The following STARD10 variants were observed in gnomAD, a reference collection of about 807,000 sequenced individuals.
STARD10 encodes StAR related lipid transfer domain containing 10.
In STARD10, 24 loss-of-function variants were observed where a neutral mutation model predicts 36.0. The ratio of observed to expected loss-of-function variants is 0.67; its 90% confidence interval spans 0.48 to 0.94. STARD10 has a LOEUF of 0.94. Among genes scored for constraint, STARD10 ranks in the 40% least tolerant of loss-of-function variants. STARD10 has a pLI of 0.00. For missense variants in STARD10, 335 were observed against 396.6 expected, an observed-to-expected ratio of 0.84 and a Z score of 1.32; for synonymous variants, 156 against 161.9, an observed-to-expected ratio of 0.96 and a Z score of 0.28.
At chr11:72,755,303 A>ATTATTTTTTTT in intron 6 of STARD10, 161 bp from the exon 7 acceptor site, 1 of 483,484 alleles carries the variant, frequency 2.1e-6, no homozygotes, top group Non-Finnish European at 3.2e-6. Context: ...TCCATTCTCC[A>ATTATTTTTTTT]TTCTTTTTTT....
At position 72,759,329 on chromosome 11, in the gene STARD10, T is replaced by C; in HGVS notation, c.260A>G (p.His87Arg). 1 of 1,614,114 alleles carries C rather than the reference T, an allele frequency of 6.2e-7. No individual in the cohort carries two copies. Among genetic ancestry groups the C allele is most frequent in the Non-Finnish European group, 8.5e-7 (1 of 1,180,022 alleles). ...CCATTTCTTGCGGTACTCAATGTCGTGTAGGACGTCGTAGAGTGTCTCGGC... is the reference window on the plus strand; with the variant it reads ...CCATTTCTTGCGGTACTCAATGTCGCGTAGGACGTCGTAGAGTGTCTCGGC... ...VPAETLYDVL[H>R]DIEYRKKWDS... The change falls in exon 3 of 7, where the codon CAC becomes CGC. Residue 87 changes from histidine to arginine, a missense_variant. Physicochemically the swap from His to Arg is conservative, Grantham distance 29. Coordinates refer to ENST00000334805, the MANE Select transcript of STARD10 (RefSeq NM_006645.3).
chr11:72,780,942 A>T, intron 2 of STARD10, 33 bp downstream of exon 2: 1 of 1,606,450 alleles, frequency 6.2e-7, no homozygotes, highest in Non-Finnish European at 8.5e-7. Flanking sequence ...GTAAGGGTGC[A>T]GTGGAGGCTG....
In STARD10 at chr11:72,754,805, A is replaced by G. The variant is rs1242938082; in HGVS notation, c.*92T>C. 1.3e-6 allele frequency: 2 copies of G among 1,506,284 alleles called. No homozygotes were observed. The highest frequency in any genetic ancestry group is 1.8e-6 in the Non-Finnish European group (2 of 1,123,510). The allele number at this position is 1,506,284 out of a possible 1,614,324, so 93.3% of individuals were successfully genotyped here. A position where few individuals can be genotyped will look rare whatever the true frequency, so the allele number is the denominator to read the frequency against. ...CGCCTGGGCCTGGCCCGGTGCCACC[A>G]GGTGCCGGGTGGGGGAGGGGAGAAA... On this transcript the variant is annotated 3_prime_UTR_variant, in exon 7 of 7. Coordinates refer to ENST00000334805, the MANE Select transcript of STARD10 (RefSeq NM_006645.3).
chr11:72,786,988 G>A (rs1859081270), intron 1 of STARD10, among the ~76,000 whole-genome samples: 1 of 151,062 alleles, frequency 6.6e-6, no homozygotes, highest in Admixed American at 6.6e-5. Flanking sequence ...GGAGCCTGAG[G>A]TGAGAGGATC....
chr11:72,788,711 C>T (rs1002901920), intron 1 of STARD10, among the ~76,000 whole-genome samples: 2 of 151,936 alleles, frequency 1.3e-5, no homozygotes, highest in African/African-American at 4.8e-5. Flanking sequence ...TACAGGCATG[C>T]GCCACCACGC....
chr11:72,779,265 C>G (rs1052194619), intron 2 of STARD10, among the ~76,000 whole-genome samples: 1 of 152,178 alleles, frequency 6.6e-6, no homozygotes, highest in Non-Finnish European at 1.5e-5. Flanking sequence ...CAATTTGTTC[C>G]TTGGTTCTTT....
Position 72,755,012 on chromosome 11 carries a change from A to ACCGACAGCT in STARD10, c.752_760dup (p.Glu251_Ser253dup). On this transcript the variant is annotated inframe_insertion, in exon 7 of 7. Transcript: ENST00000334805. ...GTTCTCCAGTGAGTCCGCATGCTGC[A>ACCGACAGCT]CCGACAGCTCCGACAGCGCCAGGCT... is the stretch of plus-strand genomic sequence containing the variant. 1 of 1,613,216 alleles carries ACCGACAGCT rather than the reference A, an allele frequency of 6.2e-7. No individual in the cohort carries two copies. Among genetic ancestry groups the ACCGACAGCT allele is most frequent in the Non-Finnish European group, 8.5e-7 (1 of 1,179,732 alleles).
chr11:72,775,117 T>C (rs1031780293), intron 2 of STARD10, among the ~76,000 whole-genome samples: 1 of 152,152 alleles, frequency 6.6e-6, no homozygotes, highest in African/African-American at 2.4e-5. Context: ...GCCCCATCCA[T>C]GTACAGGATG....
chr11:72,792,149 A>G (rs1591275446), intron 1 of STARD10, among the ~76,000 whole-genome samples: 1 of 143,228 alleles, frequency 7.0e-6, no homozygotes, highest in Non-Finnish European at 1.5e-5. Context: ...TCCCGGGTTC[A>G]CGCCATTCTC....
At chr11:72,780,106 C>A in intron 2 of STARD10, 1 of 393,994 alleles carries the variant, frequency 2.5e-6, no homozygotes. Context: ...GGAAATGCAG[C>A]ACCCACAGCA....
chr11:72,759,777 T>C (rs1010221212), intron 2 of STARD10, among the ~76,000 whole-genome samples: 1 of 152,192 alleles, frequency 6.6e-6, no homozygotes, highest in Non-Finnish European at 1.5e-5. Context: ...TTAAATGAAA[T>C]GAAAGCATAA....
chr11:72,767,972 G>T (rs1858813532), intron 2 of STARD10, among the ~76,000 whole-genome samples: 1 of 152,186 alleles, frequency 6.6e-6, no homozygotes. Context: ...CTCAGGCCCT[G>T]CCCTGGGGGA....
intron 1 of STARD10, among the ~76,000 whole-genome samples, chr11:72,785,592 A>G (rs1237415024): frequency 6.9e-6 from 1 of 144,000 alleles, no homozygotes; most frequent in African/African-American, 2.5e-5. Flanking sequence ...AAAAAAGGGA[A>G]TAAGAACCTG....
At chr11:72,790,263 C>G (rs1350457781) in intron 1 of STARD10, 1 of 152,336 alleles carries the variant, frequency 6.6e-6, no homozygotes, top group African/African-American at 2.4e-5. Flanking sequence ...AGCCCTGCCC[C>G]CTCCCATGTG....
At chr11:72,791,426 C>T (rs903869912) in intron 1 of STARD10, among the ~76,000 whole-genome samples, 1 of 152,230 alleles carries the variant, frequency 6.6e-6, no homozygotes. Flanking sequence ...CTTTTCTGGC[C>T]GGGCGTGGTG....
At chr11:72,764,496 G>A (rs753601401) in intron 2 of STARD10, among the ~76,000 whole-genome samples, 11 of 152,278 alleles carry the variant, frequency 7.2e-5, no homozygotes, top group South Asian at 4.1e-4. Flanking sequence ...CTGTGGCAGC[G>A]CAGGTGAAGA....
chr11:72,761,228 G>A (rs550060426), intron 2 of STARD10, among the ~76,000 whole-genome samples: 10 of 152,286 alleles, frequency 6.6e-5, no homozygotes, highest in East Asian at 1.9e-4. Flanking sequence ...ATCATTCCAC[G>A]GGACTCCTGG....
intron 1 of STARD10, among the ~76,000 whole-genome samples, chr11:72,790,113 G>A (rs1457640845): frequency 2.6e-5 from 4 of 152,174 alleles, no homozygotes; most frequent in Admixed American, 6.5e-5. Context: ...GGTTTCTCCC[G>A]ACTGGGCCCT....
intron 1 of STARD10, among the ~76,000 whole-genome samples, 184 bp downstream of exon 1, chr11:72,792,691 G>A (rs543684097): frequency 1.3e-5 from 2 of 152,256 alleles, no homozygotes; most frequent in East Asian, 1.9e-4. Context: ...TCATCAGCCA[G>A]GCCAGCCCAG....
Sources: allele counts gnomAD v4.1 joint callset (sites outside exome capture counted in the v4.1 genomes callset), GRCh38; gene constraint gnomAD v4.1.1; transcripts MANE v1.5; gene names NCBI Gene and HGNC (gene_info 2026-07-23, HGNC 2026-07-21).